The following CABIN1 variants were observed in gnomAD, a reference collection of about 807,000 sequenced individuals.
CABIN1 encodes the protein calcineurin binding protein 1.
A neutral mutation model predicts 227.7 loss-of-function variants in CABIN1; 133 were observed. That is an observed-to-expected ratio of 0.58 (90% CI 0.51 to 0.67). The LOEUF is 0.67. Ranked by LOEUF, CABIN1 falls within the 30% of genes least tolerant of loss-of-function variation. The probability of loss-of-function intolerance (pLI) is 0.00; values close to 1 mark genes in which losing one functional copy is unlikely to be tolerated. For synonymous variants in CABIN1, 1,086 were observed against 1,155.1 expected (o/e 0.94, Z 1.21); for missense variants, 2,408 against 2,852.5 (o/e 0.84, Z 3.55).
intron 8 of CABIN1, among the ~76,000 whole-genome samples, chr22:24,052,954 G>C (rs2038467507): frequency 1.3e-5 from 2 of 151,930 alleles, no homozygotes; most frequent in African/African-American, 4.8e-5. Context: ...AATTCTTCCT[G>C]TCTAAATGTA....
chr22:24,132,570 T>A (rs1227395903), intron 28 of CABIN1, among the ~76,000 whole-genome samples: 1 of 151,878 alleles, frequency 6.6e-6, no homozygotes, highest in Non-Finnish European at 1.5e-5. Flanking sequence ...GGGGACGTTT[T>A]TCTGTTTGTT....
Position 24,167,168 on chromosome 22 carries a change from A to G in CABIN1, c.5537A>G (p.Lys1846Arg), listed in dbSNP as rs2046502084. 6.2e-7 allele frequency: 1 copy of G among 1,609,732 alleles called. No individual in the cohort carries two copies. Among genetic ancestry groups the G allele is most frequent in the Non-Finnish European group, 8.5e-7 (1 of 1,179,096 alleles). Residue 1846 changes from lysine (K) to arginine (R), a missense_variant, in exon 32 of 37, where the codon AAG becomes AGG. Physicochemically the swap from Lys to Arg is conservative, Grantham distance 26. Transcript: ENST00000263119. Reference protein sequence around the residue: ...PEEPLSRLSRKRKLLEDTESG... With the variant: ...PEEPLSRLSRRRKLLEDTESG... Reference sequence around the variant, plus strand: ...GAGCCGCTCTCCCGGCTCAGCCGCAAGAGGAAGCTCCTGGAGGACACAGAG... The same window carrying G: ...GAGCCGCTCTCCCGGCTCAGCCGCAGGAGGAAGCTCCTGGAGGACACAGAG...
intron 1 of CABIN1, among the ~76,000 whole-genome samples, chr22:24,015,518 G>A (rs1399633433): frequency 2.0e-5 from 3 of 150,780 alleles, no homozygotes; most frequent in Non-Finnish European, 4.4e-5. Flanking sequence ...CTAATTTTTT[G>A]TATTTTTAGT....
At chr22:24,042,309 T>C (rs1352866197) in intron 5 of CABIN1, among the ~76,000 whole-genome samples, 2 of 152,190 alleles carry the variant, frequency 1.3e-5, no homozygotes, top group African/African-American at 4.8e-5. Context: ...AATACAGATA[T>C]TCAGATTGAC....
chr22:24,175,534 G>A (rs1225358377), intron 34 of CABIN1, among the ~76,000 whole-genome samples: 1 of 152,224 alleles, frequency 6.6e-6, no homozygotes, highest in African/African-American at 2.4e-5. Flanking sequence ...ACCGGGGACC[G>A]ATGCTGAGTA....
intron 26 of CABIN1, among the ~76,000 whole-genome samples, chr22:24,102,646 G>A (rs906562275): frequency 5.9e-5 from 9 of 152,138 alleles, no homozygotes; most frequent in Admixed American, 3.9e-4. Context: ...AGGCCTTTCC[G>A]AGGAGGCAAA....
intron 28 of CABIN1, among the ~76,000 whole-genome samples, chr22:24,133,111 G>A (rs1057184198): frequency 6.6e-6 from 1 of 152,164 alleles, no homozygotes; most frequent in African/African-American, 2.4e-5. Context: ...GCAGGCAGGG[G>A]GTCCCTCAGC....
At position 24,167,222 on chromosome 22, in the gene CABIN1, A is replaced by T; in HGVS notation, c.5591A>T (p.Tyr1864Phe). ...ESGKTLLLDA[Y>F]RVWQQGQKGV... ...GGCAAGACACTTCTGTTGGATGCCTACCGTGTGTGGCAGCAGGGCCAGAAG... is the reference window on the plus strand; with the variant it reads ...GGCAAGACACTTCTGTTGGATGCCTTCCGTGTGTGGCAGCAGGGCCAGAAG... The change falls in exon 32 of 37, where the codon TAC becomes TTC. Residue 1864 changes from tyrosine to phenylalanine, a missense_variant. Physicochemically the swap from Tyr to Phe is conservative, Grantham distance 22. Transcript: ENST00000263119. 6.2e-7 allele frequency: 1 copy of T among 1,613,212 alleles called. No individual in the cohort carries two copies. Among genetic ancestry groups the T allele is most frequent in the African/African-American group, 1.3e-5 (1 of 75,074 alleles).
intron 27 of CABIN1, among the ~76,000 whole-genome samples, chr22:24,114,058 T>TTTGTTGTTGTTG (rs695681): frequency 6.6e-6 from 1 of 151,598 alleles, no homozygotes; most frequent in African/African-American, 2.4e-5. Flanking sequence ...GTGCTCTGTT[T>TTTGTTGTTGTTG]TTGTTGTTGT....
chr22:24,126,618 G>T (rs2043740284), intron 28 of CABIN1, among the ~76,000 whole-genome samples: 1 of 152,188 alleles, frequency 6.6e-6, no homozygotes, highest in African/African-American at 2.4e-5. Context: ...GGGCAAGGAG[G>T]AGAGAGGAAG....
chr22:24,104,879 G>A (rs2042423030), intron 26 of CABIN1, among the ~76,000 whole-genome samples: 1 of 152,202 alleles, frequency 6.6e-6, no homozygotes, highest in African/African-American at 2.4e-5. Context: ...TGGGGCACTA[G>A]TCAGAGCTGT....
chr22:24,160,656 C>T (rs980288171), intron 29 of CABIN1, among the ~76,000 whole-genome samples: 1 of 152,266 alleles, frequency 6.6e-6, no homozygotes, highest in Admixed American at 6.5e-5. Context: ...GTAAGCTCCC[C>T]TGAGACCACA....
chr22:24,078,740 TTA>T (rs1437234858), intron 19 of CABIN1, among the ~76,000 whole-genome samples: 1 of 152,204 alleles, frequency 6.6e-6, no homozygotes, highest in Admixed American at 6.5e-5. Context: ...CACCCAGATT[TTA>T]TATGTGTTGA....
chr22:24,061,258 C>T (rs530738166), intron 12 of CABIN1, among the ~76,000 whole-genome samples: 20 of 152,354 alleles, frequency 1.3e-4, no homozygotes, highest in South Asian at 4.1e-4. Context: ...ACACAAGGTG[C>T]TCTGGCCCCT....
chr22:24,047,211 T>G (rs1201160346), intron 6 of CABIN1, among the ~76,000 whole-genome samples: 1 of 152,198 alleles, frequency 6.6e-6, no homozygotes, highest in Non-Finnish European at 1.5e-5. Context: ...CTGATAGATT[T>G]GACAGTCATT....
chr22:24,142,022 G>A (rs1245119336), intron 29 of CABIN1, among the ~76,000 whole-genome samples: 1 of 152,108 alleles, frequency 6.6e-6, no homozygotes, highest in African/African-American at 2.4e-5. Context: ...CCAAAGCCCA[G>A]GGTACTGTCC....
chr22:24,119,635 C>A lies in CABIN1; in HGVS notation c.4569C>A (p.Phe1523Leu), dbSNP rs1353903984. Residue 1523 changes from phenylalanine to leucine, a missense_variant, in exon 28 of 37, where the codon TTC (phenylalanine) becomes TTA (leucine). Physicochemically the swap from Phe to Leu is conservative, Grantham distance 22. Transcript: ENST00000263119. Reference sequence around the variant, plus strand: ...CCTTCCGCCTGTGCCTGAGCCGCTTCCCCCAGCACTATAAGAGTCTCTACC... The same window carrying A: ...CCTTCCGCCTGTGCCTGAGCCGCTTACCCCAGCACTATAAGAGTCTCTACC... ...IASFRLCLSR[F>L]PQHYKSLYRL... is the part of the protein sequence containing the mutation. 2.5e-6 allele frequency: 4 copies of A among 1,613,824 alleles called. No individual in the cohort carries two copies. The highest frequency in any genetic ancestry group is 3.4e-6 in the Non-Finnish European group (4 of 1,179,966).
chr22:24,027,939 G>C (rs1446363209), intron 1 of CABIN1, among the ~76,000 whole-genome samples: 2 of 151,118 alleles, frequency 1.3e-5, no homozygotes, highest in African/African-American at 4.9e-5. Flanking sequence ...TCTACTGGCA[G>C]GTTTTTTTTT....
intron 6 of CABIN1, among the ~76,000 whole-genome samples, chr22:24,044,735 A>G (rs925137016): frequency 3.3e-5 from 5 of 152,180 alleles, no homozygotes; most frequent in Non-Finnish European, 5.9e-5. Context: ...GTGCTTTGCT[A>G]CTTTATAACA....
Sources: gnomAD v4.1 joint callset for allele counts (sites outside exome capture counted in the v4.1 genomes callset) on GRCh38, gnomAD v4.1.1 for gene constraint, MANE v1.5 for transcripts, NCBI Gene and HGNC (gene_info 2026-07-23, HGNC 2026-07-21) for gene names.